The following SUMF1 variants were observed in gnomAD, a reference collection of about 807,000 sequenced individuals.
SUMF1 encodes the protein sulfatase modifying factor 1, also known as formylglycine-generating enzyme.
A neutral mutation model predicts 47.6 loss-of-function variants in SUMF1; 48 were observed. That is an observed-to-expected ratio of 1.01 (90% CI 0.80 to 1.28). The LOEUF is 1.28. Ranked by LOEUF, SUMF1 falls within the 50% of genes most tolerant of loss-of-function variation. SUMF1 has a pLI of 0.00. For synonymous variants in SUMF1, 230 were observed against 192.1 expected, an observed-to-expected ratio of 1.20 and a Z score of -1.63; for missense variants, 571 against 485.4, an observed-to-expected ratio of 1.18 and a Z score of -1.66.
At chr3:4,312,756 ATCTT>A (rs372515032) in intron 8 of SUMF1, 1 of 796,520 alleles carries the variant, frequency 1.3e-6, no homozygotes, top group South Asian at 4.2e-5. Flanking sequence ...TTTGGACAAT[ATCTT>A]AGTATGCTGT....
intron 8 of SUMF1, among the ~76,000 whole-genome samples, chr3:4,212,071 G>A (rs542740464): frequency 4.6e-5 from 7 of 152,158 alleles, no homozygotes; most frequent in African/African-American, 7.2e-5. Flanking sequence ...CACAGCATTC[G>A]AGCTCTGCTA....
intron 8 of SUMF1, among the ~76,000 whole-genome samples, chr3:4,154,434 T>C (rs1559517322): frequency 6.6e-6 from 1 of 151,598 alleles, no homozygotes; most frequent in African/African-American, 2.4e-5. Flanking sequence ...AGTTAACACT[T>C]ATTGGGCACC....
intron 9 of SUMF1, among the ~76,000 whole-genome samples, chr3:4,062,207 T>C (rs1695288901): frequency 6.6e-6 from 1 of 152,116 alleles, no homozygotes; most frequent in Non-Finnish European, 1.5e-5. Context: ...ACAGCTATTC[T>C]CACTGTGCTT....
At chr3:4,103,119 C>T (rs1339735908) in intron 8 of SUMF1, among the ~76,000 whole-genome samples, 1 of 151,564 alleles carries the variant, frequency 6.6e-6, no homozygotes, top group Non-Finnish European at 1.5e-5. Flanking sequence ...GATGGGGTTT[C>T]CCTATGTTGG....
At chr3:4,191,330 C>T (rs1254116908) in intron 8 of SUMF1, among the ~76,000 whole-genome samples, 11 of 152,134 alleles carry the variant, frequency 7.2e-5, no homozygotes, top group South Asian at 2.1e-4. Context: ...GGTGCAGCTT[C>T]GACAAAGAAA....
chr3:4,309,681 C>T (rs1698328071), intron 8 of SUMF1, among the ~76,000 whole-genome samples: 1 of 152,174 alleles, frequency 6.6e-6, no homozygotes, highest in South Asian at 2.1e-4. Context: ...CAGTAGGCCT[C>T]ATCTACGTGG....
chr3:4,259,043 C>T (rs2125020831), intron 8 of SUMF1, among the ~76,000 whole-genome samples: 1 of 147,978 alleles, frequency 6.8e-6, no homozygotes, highest in Middle Eastern at 3.5e-3. Flanking sequence ...TATTCTCACT[C>T]ATAGGTGGGA....
At chr3:4,207,827 A>G (rs571104533) in intron 8 of SUMF1, among the ~76,000 whole-genome samples, 2 of 152,310 alleles carry the variant, frequency 1.3e-5, no homozygotes, top group African/African-American at 4.8e-5. Flanking sequence ...GAAACTCACA[A>G]GAAGAAATTC....
intron 6 of SUMF1, among the ~76,000 whole-genome samples, chr3:4,411,357 G>A (rs544028901): frequency 1.1e-4 from 16 of 152,200 alleles, no homozygotes; most frequent in Middle Eastern, 3.4e-3. Flanking sequence ...CCCAATATGA[G>A]TCTTGTCATC....
At chr3:4,053,537 T>A (rs1247884763) in intron 9 of SUMF1, among the ~76,000 whole-genome samples, 3 of 152,108 alleles carry the variant, frequency 2.0e-5, no homozygotes, top group African/African-American at 7.2e-5. Context: ...GCACAATTTT[T>A]AAAAATAAGA....
At chr3:4,313,133 G>C in intron 8 of SUMF1, 4 of 1,614,034 alleles carry the variant, frequency 2.5e-6, no homozygotes, top group Non-Finnish European at 3.4e-6. Context: ...TGCAGAAACA[G>C]AGTGGTCCAG....
At chr3:4,248,052 G>C (rs952479430) in intron 8 of SUMF1, among the ~76,000 whole-genome samples, 4 of 152,206 alleles carry the variant, frequency 2.6e-5, no homozygotes, top group African/African-American at 9.6e-5. Context: ...TAGTGATGGT[G>C]ATGGCATTAT....
chr3:4,460,518 T>C (rs1272483154), intron 1 of SUMF1, among the ~76,000 whole-genome samples: 2 of 151,724 alleles, frequency 1.3e-5, no homozygotes, highest in Non-Finnish European at 2.9e-5. Flanking sequence ...TTGGTAAATA[T>C]TGTCATGGTT....
intron 8 of SUMF1, among the ~76,000 whole-genome samples, chr3:4,152,351 A>G (rs1477658181): frequency 6.6e-6 from 1 of 151,534 alleles, no homozygotes; most frequent in Non-Finnish European, 1.5e-5. Flanking sequence ...GCAGTGGTGC[A>G]ATCTCAGCTC....
chr3:4,305,606 CA>C (rs1237303544), intron 8 of SUMF1, among the ~76,000 whole-genome samples: 1 of 152,110 alleles, frequency 6.6e-6, no homozygotes, highest in Non-Finnish European at 1.5e-5. Context: ...CAAGATATGG[CA>C]AGGAAATATA....
chr3:4,435,138 G>A (rs1702356022), intron 3 of SUMF1, among the ~76,000 whole-genome samples: 1 of 152,110 alleles, frequency 6.6e-6, no homozygotes, highest in Non-Finnish European at 1.5e-5. Flanking sequence ...CGTTAGCCAG[G>A]CTGGTCTTGA....
intron 8 of SUMF1, among the ~76,000 whole-genome samples, chr3:4,154,858 C>T (rs759020093): frequency 1.3e-5 from 2 of 151,506 alleles, no homozygotes; most frequent in East Asian, 1.9e-4. Flanking sequence ...ATCAAAATTA[C>T]AGCTTTTTTT....
intron 8 of SUMF1, among the ~76,000 whole-genome samples, chr3:4,223,239 C>T (rs955400036): frequency 2.6e-5 from 4 of 152,098 alleles, no homozygotes; most frequent in Admixed American, 6.6e-5. Context: ...CTGCAAAGTA[C>T]GTGGTTAAGA....
chr3:4,106,556 T>C (rs759266078), intron 8 of SUMF1, among the ~76,000 whole-genome samples: 15 of 152,132 alleles, frequency 9.9e-5, no homozygotes, highest in Non-Finnish European at 1.9e-4. Flanking sequence ...TGTATCCTTT[T>C]TTAAAATCAT....
Sources: gnomAD v4.1 joint callset for allele counts (sites outside exome capture counted in the v4.1 genomes callset) on GRCh38, gnomAD v4.1.1 for gene constraint, MANE v1.5 for transcripts, NCBI Gene and HGNC (gene_info 2026-07-23, HGNC 2026-07-21) for gene names.